Variants in SND1 observed in about 807,000 individuals in gnomAD.
The protein encoded by SND1 is staphylococcal nuclease and tudor domain containing 1, also known as staphylococcal nuclease domain-containing protein 1.
SND1 carries 38 observed loss-of-function variants against 121.7 expected under a neutral mutation model. The ratio of observed to expected loss-of-function variants is 0.31; its 90% CI spans 0.24 to 0.41. The LOEUF is 0.41. Among genes scored for constraint, SND1 ranks in the 10% least tolerant of loss-of-function variants. The pLI, the probability that SND1 is intolerant of heterozygous loss-of-function variation, is 1.00. For synonymous variants in SND1, 401 were observed against 447.4 expected (o/e 0.90, Z 1.31); for missense variants, 868 against 1,184.6 (o/e 0.73, Z 3.92).
At chr7:127,941,889 GTTTTT>G (rs34389081) in intron 15 of SND1, among the ~76,000 whole-genome samples, 1 of 100,260 alleles carries the variant, frequency 1.0e-5, no homozygotes, top group Non-Finnish European at 2.0e-5. Context: ...TTGATAGGGA[GTTTTT>G]TTTTTTTTTT....
chr7:127,766,512 A>G (rs1330425490), intron 10 of SND1, among the ~76,000 whole-genome samples: 1 of 152,178 alleles, frequency 6.6e-6, no homozygotes, highest in Non-Finnish European at 1.5e-5. Context: ...GCGATGGCTC[A>G]TGCCTTTAAT....
At chr7:127,691,912 G>A (rs1175801875) in intron 2 of SND1, among the ~76,000 whole-genome samples, 2 of 151,410 alleles carry the variant, frequency 1.3e-5, no homozygotes, top group Non-Finnish European at 2.9e-5. Flanking sequence ...GATTACAGCC[G>A]TGAGCCTCCC....
chr7:127,984,349 G>A (rs570086720), intron 15 of SND1, among the ~76,000 whole-genome samples: 1 of 152,350 alleles, frequency 6.6e-6, no homozygotes, highest in South Asian at 2.1e-4. Flanking sequence ...GTAAAAGGGT[G>A]TAGCTATGCT....
At chr7:127,815,401 A>G (rs2537819) in intron 11 of SND1, among the ~76,000 whole-genome samples, 152,238 of 152,238 alleles carry the variant, frequency 1, 76,119 homozygotes, top group Non-Finnish European at 1. Context: ...GAGATAGGAG[A>G]ATCACTTGAG....
intron 16 of SND1, among the ~76,000 whole-genome samples, chr7:128,049,168 G>T (rs922596825): frequency 6.6e-6 from 1 of 152,140 alleles, no homozygotes; most frequent in Non-Finnish European, 1.5e-5. Context: ...TCAACCTGCA[G>T]ATTTTTTCAC....
At chr7:127,910,867 G>T (rs148857661) in intron 14 of SND1, among the ~76,000 whole-genome samples, 6 of 152,290 alleles carry the variant, frequency 3.9e-5, no homozygotes, top group African/African-American at 1.4e-4. Context: ...ACCTGGAGGG[G>T]TTGCCTAGCA....
intron 11 of SND1, among the ~76,000 whole-genome samples, chr7:127,829,704 A>C (rs990780666): frequency 6.6e-6 from 1 of 152,224 alleles, no homozygotes; most frequent in African/African-American, 2.4e-5. Flanking sequence ...CAATCAGTAC[A>C]TTCTGTCCTA....
At chr7:127,742,042 A>G (rs543473448) in intron 10 of SND1, among the ~76,000 whole-genome samples, 2 of 152,322 alleles carry the variant, frequency 1.3e-5, no homozygotes, top group East Asian at 1.9e-4. Flanking sequence ...GCCAGAAGGT[A>G]AGTCTTGCAG....
chr7:127,686,853 T>C (rs902752836), intron 2 of SND1, 91 bp downstream of exon 2: 11 of 1,389,056 alleles, frequency 7.9e-6, no homozygotes, highest in African/African-American at 4.3e-5. Flanking sequence ...GTACTCTTTC[T>C]TTGTATTTTG....
intron 17 of SND1, among the ~76,000 whole-genome samples, chr7:128,080,190 C>T (rs561295046): frequency 1.6e-4 from 25 of 152,360 alleles, no homozygotes; most frequent in African/African-American, 6.0e-4. Flanking sequence ...TGGGACCCCA[C>T]GCGTGATCCA....
intron 1 of SND1, among the ~76,000 whole-genome samples, chr7:127,674,853 G>T (rs1168437582): frequency 6.6e-6 from 1 of 152,118 alleles, no homozygotes; most frequent in African/African-American, 2.4e-5. Context: ...TTGAAATAAA[G>T]TACTTTTAAA....
chr7:127,683,614 C>T (rs1019323896), intron 1 of SND1, among the ~76,000 whole-genome samples: 4 of 152,154 alleles, frequency 2.6e-5, no homozygotes, highest in African/African-American at 9.7e-5. Flanking sequence ...TAACTGTGTA[C>T]AGTCAGTCTT....
In SND1 at chr7:128,024,463, G is replaced by A. The variant is rs115788644; in HGVS notation, c.1779+33407G>A. On this transcript the variant is annotated intron_variant, in intron 16 of 23. Transcript: ENST00000354725. ...TGATGGAGCCTTAATTATAGGCCCT[G>A]GCCCCCTGAGGTAGAAGCCTGGGTT... Among the ~76,000 whole-genome samples the A allele has an allele frequency of 6.1e-3, 922 of 152,288 alleles. 16 individuals are homozygous for A. Among genetic ancestry groups the A allele is most frequent in the African/African-American group, 0.021 (876 of 41,538 alleles).
intron 10 of SND1, among the ~76,000 whole-genome samples, chr7:127,789,139 C>T (rs1797865764): frequency 6.6e-6 from 1 of 152,196 alleles, no homozygotes. Context: ...TACTATCTAC[C>T]CCTCCACCCT....
intron 10 of SND1, among the ~76,000 whole-genome samples, chr7:127,772,044 A>T (rs1425880779): frequency 6.6e-6 from 1 of 152,214 alleles, no homozygotes; most frequent in Non-Finnish European, 1.5e-5. Context: ...AAAAGACGCT[A>T]ATTTAAATGC....
chr7:127,878,038 C>T (rs1000656285), intron 12 of SND1, among the ~76,000 whole-genome samples: 1 of 151,660 alleles, frequency 6.6e-6, no homozygotes, highest in African/African-American at 2.4e-5. Flanking sequence ...TGCAGCATTT[C>T]TACCAATGTT....
At chr7:127,769,365 C>T (rs1462856243) in intron 10 of SND1, among the ~76,000 whole-genome samples, 1 of 152,156 alleles carries the variant, frequency 6.6e-6, no homozygotes, top group Admixed American at 6.5e-5. Context: ...TGCCAAAGGG[C>T]AGGATGTAAA....
intron 22 of SND1, among the ~76,000 whole-genome samples, chr7:128,090,157 C>G (rs1793754065): frequency 6.6e-6 from 1 of 152,182 alleles, no homozygotes; most frequent in African/African-American, 2.4e-5. Flanking sequence ...ATTTGGAAAG[C>G]CCCTTGGACT....
intron 12 of SND1, among the ~76,000 whole-genome samples, chr7:127,872,762 A>G (rs891764508): frequency 6.6e-6 from 1 of 152,138 alleles, no homozygotes; most frequent in Non-Finnish European, 1.5e-5. Context: ...TAAAAGCTGA[A>G]TATATTTTTG....
Sources: gnomAD v4.1 joint callset for allele counts (sites outside exome capture counted in the v4.1 genomes callset) on GRCh38, gnomAD v4.1.1 for gene constraint, MANE v1.5 for transcripts, NCBI Gene and HGNC (gene_info 2026-07-23, HGNC 2026-07-21) for gene names.